Variants in RAPGEF5 observed in about 807,000 individuals in gnomAD.
RAPGEF5 encodes M-Ras-regulated GEF.
A neutral mutation model predicts 125.2 loss-of-function variants in RAPGEF5; 65 were observed. The ratio of observed to expected loss-of-function variants is 0.52; its 90% CI spans 0.43 to 0.64. The LOEUF is 0.64. Among genes scored for constraint, RAPGEF5 ranks in the 30% least tolerant of loss-of-function variants. The probability of loss-of-function intolerance (pLI) is 0.00; values close to 1 mark genes in which losing one functional copy is unlikely to be tolerated. For missense variants in RAPGEF5, 958 were observed against 1,048.1 expected, an observed-to-expected ratio of 0.91 and a Z score of 1.19; for synonymous variants, 391 against 385.9, an observed-to-expected ratio of 1.01 and a Z score of -0.16.
chr7:22,339,605 C>T lies in RAPGEF5; in HGVS notation c.231+17225G>A, dbSNP rs181228151. Among the ~76,000 whole-genome samples, 14 of 152,290 alleles carry T rather than the reference C, an allele frequency of 9.2e-5. 1 individual carries two copies. Among genetic ancestry groups the T allele is most frequent in the East Asian group, 5.8e-4 (3 of 5,178 alleles). Reference sequence around the variant, plus strand: ...TGCAAAAGAGGGTGACTGCATCAAACGGCAGTCTGGGATGTGAGGGACAGG... The same window carrying T: ...TGCAAAAGAGGGTGACTGCATCAAATGGCAGTCTGGGATGTGAGGGACAGG... On this transcript the variant is annotated intron_variant, in intron 1 of 25. Transcript: ENST00000665637.
rs1182379880 is a variant in RAPGEF5 at position 22,119,704 on chromosome 7, C to T, written c.*2702G>A. 3.3e-5 allele frequency: 5 copies of T among 152,128 alleles called. No individual in the cohort carries two copies. Among genetic ancestry groups the T allele is most frequent in the African/African-American group, 1.2e-4 (5 of 41,408 alleles). The allele number at this position is 152,128 out of a possible 1,614,324, so 9.4% of individuals were successfully genotyped here. ...CTGCACCACCTGGTGCCGAAGGTGCCAGATTACGTAAGATTTGCAGAGTGA... is the reference window on the plus strand; with the variant it reads ...CTGCACCACCTGGTGCCGAAGGTGCTAGATTACGTAAGATTTGCAGAGTGA... On this transcript the variant is annotated 3_prime_UTR_variant, in exon 26 of 26. Coordinates refer to ENST00000665637, the MANE Select transcript of RAPGEF5 (RefSeq NM_012294.5). The surrounding 1 kb of genome is among the most constrained non-coding windows in gnomAD (Gnocchi z 4.1).
At chr7:22,272,984 C>G (rs565457916) in intron 6 of RAPGEF5, among the ~76,000 whole-genome samples, 2 of 151,516 alleles carry the variant, frequency 1.3e-5, no homozygotes, top group South Asian at 4.2e-4. Context: ...GATCTTGAAC[C>G]CCTGACCTCA....
In RAPGEF5 at chr7:22,167,251, A is replaced by T. The variant is rs574944196; in HGVS notation, c.1205-103T>A. On this transcript the variant is annotated intron_variant, in intron 11 of 25. Transcript: ENST00000665637. ...ACCATGTGCATGGCAGAAATATGAT[A>T]AATATTGATAGCTGTGGGAGGGATT... 172 of 796,378 alleles carry T rather than the reference A, an allele frequency of 2.2e-4. No homozygotes were observed. In the African/African-American group the frequency reaches 2.9e-3, roughly 13 times the overall value. 49.3% of individuals were successfully genotyped at this position (796,378 alleles called of 1,614,324 possible).
At chr7:22,139,546 C>G (rs1783189662) in intron 21 of RAPGEF5, among the ~76,000 whole-genome samples, 1 of 152,302 alleles carries the variant, frequency 6.6e-6, no homozygotes, top group Middle Eastern at 3.4e-3. Context: ...GCGTGCAGAG[C>G]CAGGAAGTGG....
At chr7:22,141,951 C>T (rs545184022) in intron 20 of RAPGEF5, among the ~76,000 whole-genome samples, 1 of 152,346 alleles carries the variant, frequency 6.6e-6, no homozygotes, top group South Asian at 2.1e-4. Flanking sequence ...CACATGGTGA[C>T]TCCCCTTCAT....
chr7:22,141,953 C>T (rs1384893539), intron 20 of RAPGEF5, among the ~76,000 whole-genome samples: 3 of 152,198 alleles, frequency 2.0e-5, no homozygotes, highest in Admixed American at 2.0e-4. Flanking sequence ...CATGGTGACT[C>T]CCCTTCATCC....
chr7:22,314,478 C>T, intron 3 of RAPGEF5: 1 of 524,748 alleles, frequency 1.9e-6, no homozygotes, highest in African/African-American at 2.1e-5. Flanking sequence ...TTTCCATCTC[C>T]AGCAAACAGA....
chr7:22,250,794 G>T (rs1439451095), intron 7 of RAPGEF5, among the ~76,000 whole-genome samples: 1 of 152,182 alleles, frequency 6.6e-6, no homozygotes, highest in Non-Finnish European at 1.5e-5. Context: ...ATGTATAATT[G>T]AGAGAAGGGG....
chr7:22,268,544 T>A (rs771348148), intron 6 of RAPGEF5, among the ~76,000 whole-genome samples: 2 of 152,234 alleles, frequency 1.3e-5, no homozygotes, highest in Non-Finnish European at 2.9e-5. Context: ...TTTTCTTCAT[T>A]CACAGTGTCA....
At chr7:22,349,112 A>G (rs1370882054) in intron 1 of RAPGEF5, among the ~76,000 whole-genome samples, 2 of 150,974 alleles carry the variant, frequency 1.3e-5, no homozygotes, top group African/African-American at 2.4e-5. Flanking sequence ...AAAAAAAGCA[A>G]TAAGACCCAG....
At chr7:22,172,857 G>A (rs556433755) in intron 11 of RAPGEF5, among the ~76,000 whole-genome samples, 1 of 152,248 alleles carries the variant, frequency 6.6e-6, no homozygotes, top group African/African-American at 2.4e-5. Context: ...TAAGCAAAAT[G>A]CACTGCGATA....
chr7:22,313,904 G>C (rs1783531919), intron 3 of RAPGEF5, among the ~76,000 whole-genome samples: 1 of 152,120 alleles, frequency 6.6e-6, no homozygotes, highest in African/African-American at 2.4e-5. Context: ...CTGTCTACTT[G>C]GTCTGGGCTC....
At chr7:22,290,309 A>C (rs562878697) in intron 6 of RAPGEF5, among the ~76,000 whole-genome samples, 1 of 152,362 alleles carries the variant, frequency 6.6e-6, no homozygotes, top group South Asian at 2.1e-4. Flanking sequence ...CCAAGTCAAT[A>C]GGTACAAGTT....
chr7:22,163,983 C>A (rs1562731343), intron 12 of RAPGEF5, among the ~76,000 whole-genome samples: 1 of 151,816 alleles, frequency 6.6e-6, no homozygotes, highest in Non-Finnish European at 1.5e-5. Context: ...CAGGCAAACA[C>A]AAAAAAAATC....
chr7:22,339,758 C>T (rs1784091704), intron 1 of RAPGEF5, among the ~76,000 whole-genome samples: 1 of 152,218 alleles, frequency 6.6e-6, no homozygotes, highest in Admixed American at 6.5e-5. Context: ...ACAATCATTA[C>T]AAAATGAAAC....
intron 1 of RAPGEF5, among the ~76,000 whole-genome samples, chr7:22,320,902 C>T (rs958174131): frequency 6.6e-5 from 10 of 152,106 alleles, no homozygotes; most frequent in Non-Finnish European, 1.2e-4. Context: ...ATTTTCTCTG[C>T]AATCTTAGAT....
intron 1 of RAPGEF5, among the ~76,000 whole-genome samples, chr7:22,332,654 G>A (rs1033804916): frequency 6.6e-6 from 1 of 152,140 alleles, no homozygotes; most frequent in South Asian, 2.1e-4. Context: ...ACTTGTTTTC[G>A]AAAGCTTTCC....
intron 8 of RAPGEF5, 183 bp from the exon 9 acceptor site, chr7:22,220,174 C>A: frequency 4.3e-6 from 3 of 700,292 alleles, no homozygotes; most frequent in South Asian, 4.7e-5. Flanking sequence ...GAGCACCATG[C>A]CAAAAGACTT....
In RAPGEF5 at chr7:22,119,720, T is replaced by A. The variant is rs1485451407; in HGVS notation, c.*2686A>T. 1.3e-5 allele frequency: 2 copies of A among 152,220 alleles called. No homozygotes were observed. The highest frequency in any genetic ancestry group is 2.9e-5 in the Non-Finnish European group (2 of 68,050). The allele number at this position is 152,220 out of a possible 1,614,324, so 9.4% of individuals were successfully genotyped here. A position where few individuals can be genotyped will look rare whatever the true frequency, so the allele number is the denominator to read the frequency against. On this transcript the variant is annotated 3_prime_UTR_variant, in exon 26 of 26. Transcript: ENST00000665637. The surrounding 1 kb of genome is among the most constrained non-coding windows in gnomAD (Gnocchi z 4.1). ...CGAAGGTGCCAGATTACGTAAGATT[T>A]GCAGAGTGAGCGAAGATTTTATGCA... is the stretch of plus-strand genomic sequence containing the variant.
Sources: gnomAD v4.1 joint callset for allele counts (sites outside exome capture counted in the v4.1 genomes callset) on GRCh38, gnomAD v4.1.1 for gene constraint, Gnocchi (gnomAD v3.1) non-coding constraint, MANE v1.5 for transcripts, NCBI Gene and HGNC (gene_info 2026-07-23, HGNC 2026-07-21) for gene names.